Variants in SGK1 observed in about 807,000 individuals in gnomAD.
SGK1 encodes the protein serine/threonine-protein kinase Sgk1.
A neutral mutation model predicts 64.2 loss-of-function variants in SGK1; 26 were observed. The ratio of observed to expected loss-of-function variants is 0.40; its 90% CI spans 0.30 to 0.56. The LOEUF is 0.56. Ranked by LOEUF, SGK1 falls within the 20% of genes least tolerant of loss-of-function variation. The pLI is 0.38. For synonymous variants in SGK1, 265 were observed against 239.7 expected, an observed-to-expected ratio of 1.11 and a Z score of -0.98; for missense variants, 519 against 645.6, an observed-to-expected ratio of 0.80 and a Z score of 2.12.
chr6:134,247,549 T>C (rs527976146), intron 2 of SGK1, among the ~76,000 whole-genome samples: 20 of 152,330 alleles, frequency 1.3e-4, no homozygotes, highest in African/African-American at 4.8e-4. Context: ...AAATAAACCC[T>C]ATGAGTTTGA....
rs575141838 is a variant in SGK1 at position 134,293,425 on chromosome 6, A to G, written c.69+23967T>C. ...AAACAAGCAAAAACACCTAGGCTGT[A>G]TGATTGACATTCATACAGCCTTGAT... On this transcript the variant is annotated intron_variant, in intron 1 of 13. Coordinates refer to ENST00000367858, the MANE Select transcript of SGK1 (RefSeq NM_001143676.3). Among the ~76,000 whole-genome samples the G allele has an allele frequency of 2.2e-3, 328 of 152,328 alleles. 2 individuals carry two copies. The highest frequency in any genetic ancestry group is 3.8e-3 in the Non-Finnish European group (257 of 68,030).
intron 1 of SGK1, among the ~76,000 whole-genome samples, chr6:134,293,359 G>C (rs1475597208): frequency 6.6e-6 from 1 of 152,162 alleles, no homozygotes; most frequent in Non-Finnish European, 1.5e-5. Flanking sequence ...GAGAGAGTTA[G>C]ATCAGTGTTT....
chr6:134,298,192 T>G (rs1421665324), intron 1 of SGK1: 2 of 1,502,264 alleles, frequency 1.3e-6, no homozygotes, highest in Non-Finnish European at 1.8e-6. Context: ...CACCAGCCCC[T>G]GCATGTTGCC....
Position 134,240,037 on chromosome 6 carries a change from A to T in SGK1, c.285+21896T>A, listed in dbSNP as rs1254010788. Among the ~76,000 whole-genome samples the T allele has an allele frequency of 2.0e-5, 3 of 152,260 alleles. No individual in the cohort carries two copies. The East Asian group carries it at 5.8e-4, about 29-fold the overall frequency. The stretch of plus-strand genomic sequence containing the variant: ...CCAGGCGCAGTGGCTCACGCCTGTA[A>T]TCCCAGCACGTTGGGGGGCCATGAT... On this transcript the variant is annotated intron_variant, in intron 2 of 13. Transcript: ENST00000367858.
Position 134,173,983 on chromosome 6 carries a change from C to G in SGK1, c.513+22G>C, listed in dbSNP as rs367866717. ...ACTCCCTTACAGTTCTCCACAGATGCACGGCACATACAAAAACTTACTGGA... is the reference window on the plus strand; with the variant it reads ...ACTCCCTTACAGTTCTCCACAGATGGACGGCACATACAAAAACTTACTGGA... On this transcript the variant is annotated intron_variant, in intron 5 of 13. Coordinates refer to ENST00000367858, the MANE Select transcript of SGK1 (RefSeq NM_001143676.3). The G allele has an allele frequency of 4.8e-5, 75 of 1,562,280 alleles. No individual in the cohort carries two copies. The Middle Eastern group carries it at 1.3e-3, about 28-fold the overall frequency.
intron 2 of SGK1, among the ~76,000 whole-genome samples, chr6:134,236,317 A>G (rs1021744508): frequency 1.3e-5 from 2 of 152,144 alleles, no homozygotes; most frequent in Non-Finnish European, 2.9e-5. Flanking sequence ...GTTTTCACCA[A>G]TAGCCCTAAA....
At chr6:134,310,626 T>TA (rs779301907) in intron 1 of SGK1, among the ~76,000 whole-genome samples, 33 of 152,232 alleles carry the variant, frequency 2.2e-4, no homozygotes, top group Non-Finnish European at 4.3e-4. Flanking sequence ...CTCACTGTGT[T>TA]ATCCAGCCTG....
intron 2 of SGK1, among the ~76,000 whole-genome samples, chr6:134,211,247 T>A (rs1046960432): frequency 3.3e-5 from 5 of 152,246 alleles, no homozygotes; most frequent in Non-Finnish European, 5.9e-5. Flanking sequence ...AGAAGACATT[T>A]GATACATAAA....
chr6:134,186,407 A>T (rs1775424296), intron 3 of SGK1, among the ~76,000 whole-genome samples: 1 of 152,250 alleles, frequency 6.6e-6, no homozygotes. Flanking sequence ...ATACTGATAT[A>T]AAGTCAATAA....
At chr6:134,240,312 A>C (rs1776424331) in intron 2 of SGK1, among the ~76,000 whole-genome samples, 1 of 138,278 alleles carries the variant, frequency 7.2e-6, no homozygotes, top group Middle Eastern at 3.5e-3. Context: ...AAAAAAAAAA[A>C]AGAGGGAACT....
chr6:134,186,939 C>T (rs927263951), intron 3 of SGK1, among the ~76,000 whole-genome samples: 1 of 151,950 alleles, frequency 6.6e-6, no homozygotes, highest in Non-Finnish European at 1.5e-5. Context: ...GCCTCAGCCT[C>T]CCGAGTAGCT....
chr6:134,242,685 G>T (rs948166666), intron 2 of SGK1, among the ~76,000 whole-genome samples: 2 of 149,460 alleles, frequency 1.3e-5, no homozygotes, highest in Non-Finnish European at 3.0e-5. Flanking sequence ...GGCTGGTCTC[G>T]AACTCCTGGC....
At chr6:134,241,237 A>G (rs886522412) in intron 2 of SGK1, among the ~76,000 whole-genome samples, 6 of 151,844 alleles carry the variant, frequency 4.0e-5, no homozygotes, top group Admixed American at 3.9e-4. Flanking sequence ...TTCTGTAGAG[A>G]TAGGGTTTCA....
At chr6:134,201,086 A>C (rs1775673418) in intron 3 of SGK1, among the ~76,000 whole-genome samples, 1 of 134,298 alleles carries the variant, frequency 7.4e-6, no homozygotes, top group Non-Finnish European at 1.6e-5. Flanking sequence ...TTTGAGATGG[A>C]GTCTCACTCT....
intron 10 of SGK1, 39 bp downstream of exon 10, chr6:134,172,154 G>A (rs752816343): frequency 6.2e-7 from 1 of 1,606,334 alleles, no homozygotes; most frequent in Admixed American, 1.7e-5. Flanking sequence ...CTCTTGGAAG[G>A]CGGGGGTAAA....
intron 3 of SGK1, among the ~76,000 whole-genome samples, chr6:134,199,784 G>T (rs982584727): frequency 2.0e-5 from 3 of 152,012 alleles, no homozygotes; most frequent in African/African-American, 7.2e-5. Flanking sequence ...TTGTTTGAAA[G>T]AAATCTAGAC....
intron 1 of SGK1, among the ~76,000 whole-genome samples, chr6:134,308,043 T>TG: frequency 6.6e-6 from 1 of 152,206 alleles, no homozygotes; most frequent in African/African-American, 2.4e-5. Flanking sequence ...GTGAAGAGGA[T>TG]TCTTTTTTAA....
intron 1 of SGK1, among the ~76,000 whole-genome samples, chr6:134,266,187 G>A (rs1019350854): frequency 1.3e-5 from 2 of 150,484 alleles, no homozygotes; most frequent in African/African-American, 4.9e-5. Context: ...GTTTTGCTAT[G>A]TTGGCCAGGC....
chr6:134,240,746 T>C (rs1432226473), intron 2 of SGK1, among the ~76,000 whole-genome samples: 3 of 152,184 alleles, frequency 2.0e-5, no homozygotes, highest in African/African-American at 7.2e-5. Flanking sequence ...TTCCCCAGAA[T>C]GGTTGTTTGT....
Sources: gnomAD v4.1 joint callset for allele counts (sites outside exome capture counted in the v4.1 genomes callset) on GRCh38, gnomAD v4.1.1 for gene constraint, MANE v1.5 for transcripts, NCBI Gene and HGNC (gene_info 2026-07-23, HGNC 2026-07-21) for gene names.